ADGRB3: variants seen among roughly 807,000 people sequenced by gnomAD.
The protein encoded by ADGRB3 is brain-specific angiogenesis inhibitor 3.
A neutral mutation model predicts 193.4 loss-of-function variants in ADGRB3; 37 were observed. That is an observed-to-expected ratio of 0.19 (90% CI 0.15 to 0.25). ADGRB3 has a LOEUF of 0.25. Among genes scored for constraint, ADGRB3 ranks in the 10% least tolerant of loss-of-function variants. ADGRB3 has a pLI of 1.00. For synonymous variants in ADGRB3, 690 were observed against 644.2 expected (o/e 1.07, Z -1.08); for missense variants, 1,637 against 1,852.9 (o/e 0.88, Z 2.14).
At chr6:69,277,345 T>C (rs1767324730) in intron 20 of ADGRB3, among the ~76,000 whole-genome samples, 1 of 152,004 alleles carries the variant, frequency 6.6e-6, no homozygotes, top group Non-Finnish European at 1.5e-5. Flanking sequence ...AAAATTGACT[T>C]TTTGCAATGT....
intron 17 of ADGRB3, among the ~76,000 whole-genome samples, chr6:69,194,746 G>A (rs944019880): frequency 2.6e-5 from 4 of 152,046 alleles, no homozygotes; most frequent in Admixed American, 2.6e-4. Context: ...ATGTTTAAGA[G>A]TGGAGCCTCC....
chr6:69,088,723 T>C (rs1034615036), intron 17 of ADGRB3, among the ~76,000 whole-genome samples: 2 of 152,236 alleles, frequency 1.3e-5, no homozygotes, highest in African/African-American at 4.8e-5. Context: ...TTTTCTTTTC[T>C]TTCAAGAGAG....
At chr6:69,013,981 T>G in intron 11 of ADGRB3, 57 bp from the exon 12 acceptor site, 1 of 1,248,844 alleles carries the variant, frequency 8.0e-7, no homozygotes, top group Non-Finnish European at 1.1e-6. Context: ...ATGGGTGTTA[T>G]TAAAAAGTAT....
intron 3 of ADGRB3, among the ~76,000 whole-genome samples, chr6:68,916,810 A>G (rs9446072): frequency 0.012 from 1,773 of 152,304 alleles, 55 homozygotes; most frequent in African/African-American, 0.041. Context: ...AGAGCATGGT[A>G]TGAAAGATGC....
At chr6:69,348,512 A>C (rs1332869677) in intron 26 of ADGRB3, among the ~76,000 whole-genome samples, 1 of 151,514 alleles carries the variant, frequency 6.6e-6, no homozygotes, top group Non-Finnish European at 1.5e-5. Context: ...AAAAAAAAAA[A>C]ATTAGCCGGG....
chr6:69,167,079 G>T (rs181401189), intron 17 of ADGRB3, among the ~76,000 whole-genome samples: 18 of 152,254 alleles, frequency 1.2e-4, no homozygotes, highest in African/African-American at 3.8e-4. Flanking sequence ...AGAGCAGGAA[G>T]CCGTACTTCT....
intron 17 of ADGRB3, among the ~76,000 whole-genome samples, chr6:69,102,175 C>T (rs1225613194): frequency 9.8e-5 from 10 of 101,764 alleles, no homozygotes; most frequent in Admixed American, 5.9e-4. Flanking sequence ...GAGACTCCGT[C>T]TCAAAAAAAA....
In ADGRB3 at chr6:68,653,698, A is replaced by T. The variant is rs927267490; in HGVS notation, c.757+14266A>T. On this transcript the variant is annotated intron_variant, in intron 3 of 31. Transcript: ENST00000370598. The stretch of plus-strand genomic sequence containing the variant: ...TTTCTTTATTTTAAAACTACATTAG[A>T]GAGAAGGTTCTGTGGTCCTTTGTTG... Among the ~76,000 whole-genome samples the T allele has an allele frequency of 3.9e-5, 6 of 152,210 alleles. No homozygotes were observed. The East Asian group carries it at 1.2e-3, about 29-fold the overall frequency.
intron 3 of ADGRB3, among the ~76,000 whole-genome samples, chr6:68,862,890 T>C (rs1375869457): frequency 6.6e-6 from 1 of 152,140 alleles, no homozygotes; most frequent in Non-Finnish European, 1.5e-5. Flanking sequence ...AAGATTTTTG[T>C]CTCTTTTCTT....
chr6:69,030,938 ATTTTCTTTTCTTTTCTTT>A lies in ADGRB3; in HGVS notation c.2107+12459_2107+12476del, dbSNP rs1323308625. Among the ~76,000 whole-genome samples, 42 of 48,732 alleles carry A rather than the reference ATTTTCTTTTCTTTTCTTT, an allele frequency of 8.6e-4. 6 individuals are homozygous for A. Among genetic ancestry groups the A allele is most frequent in the African/African-American group, 5.8e-3 (41 of 7,016 alleles). 32.0% of individuals were successfully genotyped at this position (48,732 alleles called of 152,430 possible). On this transcript the variant is annotated intron_variant, in intron 13 of 31. Coordinates refer to ENST00000370598, the MANE Select transcript of ADGRB3 (RefSeq NM_001704.3). ...TTAGCCACAAACATTTTGGGTTTTA[ATTTTCTTTTCTTTTCTTT>A]TTTTCTTTTCTTTTCTTTTCTTTTC...
intron 20 of ADGRB3, among the ~76,000 whole-genome samples, chr6:69,303,298 A>C (rs550070995): frequency 6.6e-6 from 1 of 151,966 alleles, no homozygotes; most frequent in South Asian, 2.1e-4. Context: ...AAGCGAAAAA[A>C]ATCAGACAGA....
chr6:69,338,811 C>T, intron 24 of ADGRB3, 105 bp from the exon 25 acceptor site: 1 of 901,854 alleles, frequency 1.1e-6, no homozygotes, highest in Non-Finnish European at 1.8e-6. Context: ...GATAAATATA[C>T]TTTTCTGCAT....
chr6:69,267,212 A>G (rs990192720), intron 20 of ADGRB3, among the ~76,000 whole-genome samples: 2 of 152,064 alleles, frequency 1.3e-5, no homozygotes, highest in African/African-American at 4.8e-5. Context: ...TTTCTCATAA[A>G]GCATCACTGG....
chr6:69,215,476 G>A (rs1765756207), intron 17 of ADGRB3, among the ~76,000 whole-genome samples: 1 of 151,968 alleles, frequency 6.6e-6, no homozygotes, highest in Non-Finnish European at 1.5e-5. Flanking sequence ...GTGTGTGTGT[G>A]TGTGTGTAGA....
chr6:69,025,341 C>G (rs1245832878), intron 13 of ADGRB3, among the ~76,000 whole-genome samples: 2 of 152,022 alleles, frequency 1.3e-5, no homozygotes, highest in East Asian at 3.9e-4. Context: ...ATAGAGAAAC[C>G]AACTTTCAGT....
intron 20 of ADGRB3, among the ~76,000 whole-genome samples, chr6:69,273,627 TG>T (rs768694856): frequency 6.6e-6 from 1 of 152,236 alleles, no homozygotes; most frequent in Non-Finnish European, 1.5e-5. Context: ...AGGTCCATTT[TG>T]GGAATGTTTA....
intron 17 of ADGRB3, among the ~76,000 whole-genome samples, chr6:69,137,486 C>T (rs1582490018): frequency 6.6e-6 from 1 of 151,786 alleles, no homozygotes; most frequent in East Asian, 1.9e-4. Flanking sequence ...AGAGAGTTCA[C>T]TATATTAGTT....
chr6:68,865,253 C>A (rs1042957870), intron 3 of ADGRB3, among the ~76,000 whole-genome samples: 1 of 149,750 alleles, frequency 6.7e-6, no homozygotes, highest in Non-Finnish European at 1.5e-5. Flanking sequence ...CATTTTTTTT[C>A]TGTGATTTTG....
intron 17 of ADGRB3, among the ~76,000 whole-genome samples, chr6:69,197,526 T>C (rs1275678940): frequency 2.0e-5 from 3 of 151,916 alleles, no homozygotes; most frequent in Admixed American, 6.6e-5. Context: ...CAAACAGATA[T>C]ATCGATGAGC....
Sources: allele counts gnomAD v4.1 joint callset (sites outside exome capture counted in the v4.1 genomes callset), GRCh38; gene constraint gnomAD v4.1.1; transcripts MANE v1.5; gene names NCBI Gene and HGNC (gene_info 2026-07-23, HGNC 2026-07-21).